Variants in FRAS1 observed in about 807,000 individuals in gnomAD.
FRAS1 encodes Fraser extracellular matrix complex subunit 1.
In FRAS1, 290 loss-of-function variants were observed where a neutral mutation model predicts 435.2. That is an observed-to-expected ratio of 0.67 (90% CI 0.61 to 0.73). The LOEUF (loss-of-function observed/expected upper bound fraction) is 0.73. Ranked by LOEUF, FRAS1 falls within the 30% of genes least tolerant of loss-of-function variation. The pLI is 0.00. For synonymous variants in FRAS1, 1,800 were observed against 1,851.0 expected (o/e 0.97, Z 0.71); for missense variants, 4,860 against 5,001.5 (o/e 0.97, Z 0.85).
intron 2 of FRAS1, among the ~76,000 whole-genome samples, chr4:78,089,031 A>T (rs1438905839): frequency 6.6e-6 from 1 of 152,176 alleles, no homozygotes; most frequent in Non-Finnish European, 1.5e-5. Context: ...AACCAACCGA[A>T]ATGTCCAACA....
At chr4:78,229,351 GC>G (rs1466639614) in intron 2 of FRAS1, among the ~76,000 whole-genome samples, 22 of 150,072 alleles carry the variant, frequency 1.5e-4, no homozygotes, top group Non-Finnish European at 2.8e-4. Context: ...AGAGGACTAA[GC>G]CTGGCTTTGT....
At position 78,543,085 on chromosome 4, in the gene FRAS1, T is replaced by C. The variant is rs1369518005; in HGVS notation, c.*1961T>C. 1.3e-5 allele frequency: 2 copies of C among 152,182 alleles called. No individual in the cohort carries two copies. Among genetic ancestry groups the C allele is most frequent in the African/African-American group, 4.8e-5 (2 of 41,444 alleles). The allele number at this position is 152,182 out of a possible 1,614,324, so 9.4% of individuals were successfully genotyped here. ...TGTCAGGTTTTCAGGAGAGAATGAGTTGGGGTGAGCCCAGAGTCTGAAACT... is the reference window on the plus strand; with the variant it reads ...TGTCAGGTTTTCAGGAGAGAATGAGCTGGGGTGAGCCCAGAGTCTGAAACT... On this transcript the variant is annotated 3_prime_UTR_variant, in exon 74 of 74. Transcript: ENST00000512123.
intron 15 of FRAS1, 143 bp downstream of exon 15, chr4:78,308,352 G>C (rs1728878465): frequency 1.1e-6 from 1 of 907,150 alleles, no homozygotes; most frequent in South Asian, 1.9e-5. Context: ...CTTTGATTTA[G>C]ATGTGCATAA....
At chr4:78,241,183 T>C (rs1160848580) in intron 3 of FRAS1, among the ~76,000 whole-genome samples, 1 of 152,102 alleles carries the variant, frequency 6.6e-6, no homozygotes, top group Non-Finnish European at 1.5e-5. Context: ...GTAGGCAACA[T>C]TACATCTGAG....
chr4:78,541,129 G>T lies in FRAS1; in HGVS notation c.*5G>T. On this transcript the variant is annotated 3_prime_UTR_variant, in exon 74 of 74. Coordinates refer to ENST00000512123, the MANE Select transcript of FRAS1 (RefSeq NM_025074.7). ...CAAGATGGAACAGAAGTTTAATGGA[G>T]GAGACCTATGTGTATTTTTTTCTAA... 7.5e-7 allele frequency: 1 copy of T among 1,340,212 alleles called. No individual in the cohort carries two copies. Among genetic ancestry groups the T allele is most frequent in the Non-Finnish European group, 9.7e-7 (1 of 1,029,250 alleles). The allele number at this position is 1,340,212 out of a possible 1,614,324, so 83.0% of individuals were successfully genotyped here.
At chr4:78,471,579 C>T (rs1279246921) in intron 51 of FRAS1, among the ~76,000 whole-genome samples, 3 of 152,174 alleles carry the variant, frequency 2.0e-5, no homozygotes, top group Non-Finnish European at 2.9e-5. Context: ...AATTATCTGT[C>T]TTTACCTTAC....
At chr4:78,252,623 T>G in intron 5 of FRAS1, 72 bp downstream of exon 5, 1 of 1,338,864 alleles carries the variant, frequency 7.5e-7, no homozygotes, top group South Asian at 1.3e-5. Flanking sequence ...GAACCAGCCC[T>G]CAATATTTCA....
At chr4:78,069,490 G>A (rs151255389) in intron 2 of FRAS1, among the ~76,000 whole-genome samples, 23 of 152,220 alleles carry the variant, frequency 1.5e-4, no homozygotes, top group East Asian at 1.2e-3. Context: ...TGGCCCTGGC[G>A]GTCAGACACA....
At chr4:78,489,665 T>C (rs1720282833) in intron 59 of FRAS1, among the ~76,000 whole-genome samples, 1 of 152,184 alleles carries the variant, frequency 6.6e-6, no homozygotes, top group South Asian at 2.1e-4. Context: ...TATCATTGGT[T>C]GATCTGAGAA....
intron 2 of FRAS1, among the ~76,000 whole-genome samples, chr4:78,140,086 C>CTATA (rs1383008360): frequency 1.3e-5 from 2 of 152,060 alleles, no homozygotes; most frequent in Non-Finnish European, 2.9e-5. Flanking sequence ...TGAATTATCA[C>CTATA]TATCTATCAA....
intron 1 of FRAS1, among the ~76,000 whole-genome samples, chr4:78,064,720 T>C (rs1286113194): frequency 6.6e-6 from 1 of 152,048 alleles, no homozygotes; most frequent in Non-Finnish European, 1.5e-5. Flanking sequence ...TTTTTAAAGA[T>C]TGTTCTTAAT....
chr4:78,519,511 T>G (rs1343343561), intron 67 of FRAS1, 30 bp downstream of exon 67: 8 of 1,596,042 alleles, frequency 5.0e-6, no homozygotes, highest in South Asian at 1.1e-5. Context: ...AACTATCCCT[T>G]TAGTTAGGGC....
At chr4:78,140,156 T>A (rs1269422494) in intron 2 of FRAS1, among the ~76,000 whole-genome samples, 3 of 152,190 alleles carry the variant, frequency 2.0e-5, no homozygotes, top group Non-Finnish European at 4.4e-5. Flanking sequence ...CCTAATAATA[T>A]CACTTCATCA....
intron 2 of FRAS1, among the ~76,000 whole-genome samples, chr4:78,140,858 A>C (rs1194944743): frequency 6.6e-6 from 1 of 151,998 alleles, no homozygotes; most frequent in Non-Finnish European, 1.5e-5. Context: ...TCAGTGACCC[A>C]AATTTTGTGG....
chr4:78,213,163 A>G (rs1277559365), intron 2 of FRAS1, among the ~76,000 whole-genome samples: 3 of 152,192 alleles, frequency 2.0e-5, no homozygotes, highest in African/African-American at 7.2e-5. Context: ...GAAGGGAGAG[A>G]TCTAAGTGGC....
At position 78,541,021 on chromosome 4, in the gene FRAS1, T is replaced by G. The variant is rs1452608149; in HGVS notation, c.11936T>G (p.Leu3979Arg). ...TGCACTGTGCGGAACGTCAACATCC[T>G]GAGTGAGCCTGAGGCGGCTTACACG... Reference protein sequence around the residue: ...HYCTVRNVNILSEPEAAYTFK... With the variant: ...HYCTVRNVNIRSEPEAAYTFK... The change falls in exon 74 of 74, where the codon CTG (leucine) becomes CGG (arginine). Residue 3979 changes from leucine (L) to arginine (R), a missense_variant. Coordinates refer to ENST00000512123, the MANE Select transcript of FRAS1 (RefSeq NM_025074.7). 6.5e-7 allele frequency: 1 copy of G among 1,530,084 alleles called. No homozygotes were observed. The highest frequency in any genetic ancestry group is 2.0e-5 in the Admixed American group (1 of 50,392). The allele number at this position is 1,530,084 out of a possible 1,614,324, so 94.8% of individuals were successfully genotyped here.
intron 32 of FRAS1, among the ~76,000 whole-genome samples, chr4:78,413,741 G>C (rs1733445890): frequency 6.6e-6 from 1 of 152,200 alleles, no homozygotes; most frequent in Non-Finnish European, 1.5e-5. Context: ...TGAGGATAAG[G>C]AGGTCATCAA....
At chr4:78,482,954 T>C (rs1720058093) in intron 58 of FRAS1, among the ~76,000 whole-genome samples, 1 of 152,198 alleles carries the variant, frequency 6.6e-6, no homozygotes, top group Admixed American at 6.5e-5. Flanking sequence ...AAGCAGAGTC[T>C]TCAGGTGTGA....
At chr4:78,400,966 C>A in intron 30 of FRAS1, 79 bp downstream of exon 30, 2 of 1,333,896 alleles carry the variant, frequency 1.5e-6, no homozygotes, top group Non-Finnish European at 1.0e-6. Context: ...TGCCATGTGG[C>A]AAGATTGCAA....
Sources: gnomAD v4.1 joint callset for allele counts (sites outside exome capture counted in the v4.1 genomes callset) on GRCh38, gnomAD v4.1.1 for gene constraint, MANE v1.5 for transcripts, NCBI Gene and HGNC (gene_info 2026-07-23, HGNC 2026-07-21) for gene names.